Variants in SPRY3 observed in about 807,000 individuals in gnomAD.
The protein encoded by SPRY3 is protein sprouty homolog 3.
Under a neutral mutation model 20.2 loss-of-function variants are expected in SPRY3, and 15 were observed. That is an observed-to-expected ratio of 0.74 (90% CI 0.50 to 1.14). The LOEUF (loss-of-function observed/expected upper bound fraction) is 1.14, where lower values mean the gene tolerates loss of function less well. Among genes scored for constraint, SPRY3 ranks in the 50% most tolerant of loss-of-function variants. The pLI is 0.00. For missense variants in SPRY3, 364 were observed against 363.9 expected (o/e 1.00, Z 0.00); for synonymous variants, 143 against 136.5 (o/e 1.05, Z -0.33).
intron 2 of SPRY3, among the ~76,000 whole-genome samples, chrX:155,725,129 T>A (rs1449603416): frequency 6.6e-6 from 1 of 152,150 alleles, no homozygotes; most frequent in African/African-American, 2.4e-5. Context: ...ATTTATTGAT[T>A]TGTGTATGTT....
At chrX:155,739,737 G>C (rs2091193382) in intron 2 of SPRY3, among the ~76,000 whole-genome samples, 1 of 151,988 alleles carries the variant, frequency 6.6e-6, no homozygotes, top group Admixed American at 6.6e-5. Context: ...AGAGTGGCCT[G>C]ACTGTTAAAA....
At chrX:155,659,343 C>T (rs1426664750) in intron 2 of SPRY3, among the ~76,000 whole-genome samples, 1 of 109,784 alleles carries the variant, frequency 9.1e-6, no homozygotes, top group Admixed American at 9.8e-5. Flanking sequence ...GACGGGGTTT[C>T]ACCATGTTAG....
intron 2 of SPRY3, among the ~76,000 whole-genome samples, chrX:155,739,308 C>A: frequency 6.6e-6 from 1 of 152,116 alleles, no homozygotes; most frequent in South Asian, 2.1e-4. Context: ...TAACTCTGAT[C>A]TCTCCCTGAG....
intron 2 of SPRY3, among the ~76,000 whole-genome samples, chrX:155,744,055 G>C (rs1182044221): frequency 1.1e-4 from 17 of 152,044 alleles, no homozygotes; most frequent in Non-Finnish European, 2.1e-4. Context: ...TTGGCTGGAG[G>C]GGGTACAGAA....
At chrX:155,746,613 A>G (rs779186118) in intron 2 of SPRY3, among the ~76,000 whole-genome samples, 16 of 152,124 alleles carry the variant, frequency 1.1e-4, no homozygotes, top group African/African-American at 3.6e-4. Flanking sequence ...GATTGTTTCA[A>G]TAGTGACCAG....
intron 2 of SPRY3, among the ~76,000 whole-genome samples, chrX:155,665,607 G>A (rs1014409198): frequency 9.9e-5 from 11 of 111,254 alleles, no homozygotes; most frequent in African/African-American, 3.6e-4. Context: ...GATGCAAAAG[G>A]TATGTACAGT....
At chrX:155,768,395 G>C (rs914287145) in intron 3 of SPRY3, among the ~76,000 whole-genome samples, 2 of 152,150 alleles carry the variant, frequency 1.3e-5, no homozygotes, top group African/African-American at 4.8e-5. Context: ...TTTTCTAGGC[G>C]AATGTCAATT....
intron 2 of SPRY3, among the ~76,000 whole-genome samples, chrX:155,764,724 C>CAA (rs1026935906): frequency 6.6e-6 from 1 of 151,972 alleles, no homozygotes; most frequent in African/African-American, 2.4e-5. Flanking sequence ...CTCTGGAGCA[C>CAA]AAAGAAGAGG....
At chrX:155,768,277 GATAAA>G (rs2091357566) in intron 3 of SPRY3, 141 bp downstream of exon 2, 1 of 152,036 alleles carries the variant, frequency 6.6e-6, no homozygotes, top group Admixed American at 6.5e-5. Flanking sequence ...CAAGCGCATG[GATAAA>G]ATAAAATGAA....
intron 2 of SPRY3, among the ~76,000 whole-genome samples, chrX:155,713,322 C>A (rs2090999995): frequency 6.6e-6 from 1 of 152,058 alleles, no homozygotes; most frequent in Non-Finnish European, 1.5e-5. Flanking sequence ...TAAATAATTT[C>A]TCATTAATGC....
chrX:155,647,084 A>G (rs1283989432), intron 1 of SPRY3, among the ~76,000 whole-genome samples: 1 of 111,166 alleles, frequency 9.0e-6, no homozygotes, highest in Non-Finnish European at 1.9e-5. Flanking sequence ...CTGTCCACAT[A>G]GTTTTGTTCA....
chrX:155,725,168 C>T (rs2091088779), intron 2 of SPRY3, among the ~76,000 whole-genome samples: 1 of 152,170 alleles, frequency 6.6e-6, no homozygotes, highest in Non-Finnish European at 1.5e-5. Context: ...AGGGATAAAG[C>T]CAACTTGATC....
intron 2 of SPRY3, among the ~76,000 whole-genome samples, chrX:155,659,381 G>A (rs983188863): frequency 3.6e-5 from 4 of 110,105 alleles, no homozygotes; most frequent in East Asian, 2.9e-4. Flanking sequence ...TCATGACCTC[G>A]TGATCCGCCC....
chrX:155,774,029 G>C, exon 4 of SPRY3: 2 of 1,613,912 alleles, frequency 1.2e-6, no homozygotes, highest in Non-Finnish European at 8.5e-7. Context: ...AAGTCTGATT[G>C]GTCTCTGGCT....
intron 2 of SPRY3, among the ~76,000 whole-genome samples, chrX:155,683,264 C>T (rs775023245): frequency 1.1e-3 from 122 of 111,854 alleles, no homozygotes; most frequent in African/African-American, 3.8e-3. Context: ...GCATTGCATG[C>T]TACAGAGAAA....
At chrX:155,649,586 C>T (rs1293521901) in intron 1 of SPRY3, among the ~76,000 whole-genome samples, 1 of 111,448 alleles carries the variant, frequency 9.0e-6, no homozygotes. Context: ...ATGCTAAAAA[C>T]CCTCAATAAA....
chrX:155,659,155 C>A (rs781825844), intron 2 of SPRY3, among the ~76,000 whole-genome samples: 1 of 88,271 alleles, frequency 1.1e-5, no homozygotes, highest in Admixed American at 1.2e-4. Context: ...TTCTTTCTTT[C>A]TTTTTTTGAG....
intron 2 of SPRY3, among the ~76,000 whole-genome samples, chrX:155,705,023 C>A (rs2090940433): frequency 2.0e-5 from 3 of 151,216 alleles, no homozygotes; most frequent in Non-Finnish European, 4.4e-5. Context: ...GTTTTTCAGG[C>A]AGAAAGAGTA....
intron 2 of SPRY3, among the ~76,000 whole-genome samples, chrX:155,716,981 A>AATATATATATATAT (rs749530944): frequency 0.058 from 3,638 of 62,344 alleles, 38 homozygotes; most frequent in Non-Finnish European, 0.072. Flanking sequence ...TAAAATACAA[A>AATATATATATATAT]ATATATATAT....
Sources: allele counts gnomAD v4.1 joint callset (sites outside exome capture counted in the v4.1 genomes callset), GRCh38; gene constraint gnomAD v4.1.1; transcripts MANE v1.5; gene names NCBI Gene and HGNC (gene_info 2026-07-23, HGNC 2026-07-21).